Variants in TBL3 observed in about 807,000 individuals in gnomAD.
TBL3 encodes transducin beta like 3, also known as transducin beta-like protein 3.
In TBL3, 71 loss-of-function variants were observed where a neutral mutation model predicts 102.7. That is an observed-to-expected ratio of 0.69 (90% CI 0.57 to 0.84). The LOEUF is 0.84. Ranked by LOEUF, TBL3 falls within the 40% of genes least tolerant of loss-of-function variation. TBL3 has a pLI of 0.00. For missense variants in TBL3, 1,188 were observed against 1,098.5 expected (o/e 1.08, Z -1.15); for synonymous variants, 578 against 477.7 (o/e 1.21, Z -2.74).
rs761442638 is a variant in TBL3 at position 1,976,310 on chromosome 16, T to C, written c.1288T>C (p.Ser430Pro). The C allele has an allele frequency of 4.3e-6, 7 of 1,612,964 alleles. No individual in the cohort carries two copies. Among genetic ancestry groups the C allele is most frequent in the Non-Finnish European group, 5.9e-6 (7 of 1,179,600 alleles). Residue 430 changes from serine to proline, a missense_variant, in exon 13 of 22, where the codon TCT (serine) becomes CCT (proline). By Grantham distance (74) the Ser-to-Pro change is moderately conservative. Transcript: ENST00000568546. Reference protein sequence around the residue: ...HTHSVGTVCCSRLKESFLVTG... With the variant: ...HTHSVGTVCCPRLKESFLVTG... ...ACACAGTGTGGGCACCGTCTGCTGC[T>C]CTAGGTAGTGAGTCGGGGCTGGGCC...
At position 1,974,880 on chromosome 16, in the gene TBL3, C is replaced by T. The variant is rs773212257; in HGVS notation, c.464+33C>T. ...GGAAGGTGGAGGGGGAGGGCAGAGGCACCACCCAGGCTGCACAGCTCACCC... is the reference window on the plus strand; with the variant it reads ...GGAAGGTGGAGGGGGAGGGCAGAGGTACCACCCAGGCTGCACAGCTCACCC... On this transcript the variant is annotated intron_variant, in intron 6 of 21. Coordinates refer to ENST00000568546, the MANE Select transcript of TBL3 (RefSeq NM_006453.3). The T allele has an allele frequency of 1.9e-5, 31 of 1,612,690 alleles. No individual in the cohort carries two copies. In the East Asian group the frequency reaches 2.0e-4, roughly 10 times the overall value.
Position 1,982,189 on chromosome 16 carries a change from C to T in TBL3, c.*3504C>T, listed in dbSNP as rs1193328981. ...GGGAGCAGTCAGCCTCTAAGGCATC[C>T]CTCCAGGAAGCTGCCCTGGCTGCAA... On this transcript the variant is annotated 3_prime_UTR_variant, in exon 22 of 22. Transcript: ENST00000568546. 6.6e-6 allele frequency: 1 copy of T among 152,230 alleles called. No homozygotes were observed. The highest frequency in any genetic ancestry group is 2.4e-5 in the African/African-American group (1 of 41,436). The allele number at this position is 152,230 out of a possible 1,614,324, so 9.4% of individuals were successfully genotyped here. A position where few individuals can be genotyped will look rare whatever the true frequency, so the allele number is the denominator to read the frequency against.
rs764808775 is a variant in TBL3 at position 1,976,184 on chromosome 16, C to T, written c.1189-27C>T. On this transcript the variant is annotated intron_variant, in intron 12 of 21. Coordinates refer to ENST00000568546, the MANE Select transcript of TBL3 (RefSeq NM_006453.3). ...GCCACGCAGTAGGCCCATGGACCAG[C>T]CTCTCTCCTCAACTCCCTGTCCCCA... 3.1e-6 allele frequency: 5 copies of T among 1,614,006 alleles called. No homozygotes were observed. The Admixed American group carries it at 6.7e-5, about 22-fold the overall frequency.
chr16:1,979,262 T>C lies in TBL3; in HGVS notation c.*577T>C. On this transcript the variant is annotated 3_prime_UTR_variant, in exon 22 of 22. Transcript: ENST00000568546. ...GGGCCTCACCCGCCGGGTCGTCTCC[T>C]CCACGGAACCCCGTCCCGCTCAGGA... is the stretch of plus-strand genomic sequence containing the variant. 2 of 1,535,416 alleles carry C rather than the reference T, an allele frequency of 1.3e-6. No individual in the cohort carries two copies. Among genetic ancestry groups the C allele is most frequent in the African/African-American group, 1.4e-5 (1 of 71,908 alleles).
In TBL3 at chr16:1,975,349, T is replaced by A; in HGVS notation, c.716T>A (p.Val239Glu). 1 of 1,613,996 alleles carries A rather than the reference T, an allele frequency of 6.2e-7. No homozygotes were observed. The highest frequency in any genetic ancestry group is 8.5e-7 in the Non-Finnish European group (1 of 1,180,000). Reference sequence around the variant, plus strand: ...TGTGACCCAATTCGTCTCCAGAGCGTGGAGGCTGCTGTGCTGTTGCCAGAG... The same window carrying A: ...TGTGACCCAATTCGTCTCCAGAGCGAGGAGGCTGCTGTGCTGTTGCCAGAG... ...ATRTVPVFES[V>E]EAAVLLPEEP... is the part of the protein sequence containing the mutation. The change falls in exon 9 of 22, where the codon GTG becomes GAG. Residue 239 changes from valine to glutamate, a missense_variant. By Grantham distance (121) the Val-to-Glu change is moderately radical (BLOSUM62 -2). Transcript: ENST00000568546.
chr16:1,978,562 T>A lies in TBL3; in HGVS notation c.2304T>A (p.Phe768Leu), dbSNP rs1186610313. 6.2e-7 allele frequency: 1 copy of A among 1,607,198 alleles called. No individual in the cohort carries two copies. The highest frequency in any genetic ancestry group is 1.7e-4 in the Middle Eastern group (1 of 6,044). ...TCTGTCCAACCCCAGAGCGGCACTT[T>A]CAGCGGCTCAGCAGGACCCTCCAGG... ...EALLPYTERH[F>L]QRLSRTLQAA... Residue 768 changes from phenylalanine to leucine, a missense_variant, in exon 22 of 22, where the codon TTT becomes TTA. Coordinates refer to ENST00000568546, the MANE Select transcript of TBL3 (RefSeq NM_006453.3).
Position 1,972,091 on chromosome 16 carries a change from G to C in TBL3, c.-74G>C. ...AGTGTGGCGTTCTGTGAAGAGTTCG[G>C]TGCTAACCTCCCTCACGCGGCGGTG... On this transcript the variant is annotated 5_prime_UTR_variant, in exon 1 of 22. Coordinates refer to ENST00000568546, the MANE Select transcript of TBL3 (RefSeq NM_006453.3). 1 of 1,443,638 alleles carries C rather than the reference G, an allele frequency of 6.9e-7. No homozygotes were observed. 89.4% of individuals were successfully genotyped at this position (1,443,638 alleles called of 1,614,324 possible).
Position 1,975,581 on chromosome 16 carries a change from C to T in TBL3, c.858C>T (p.Ala286=), listed in dbSNP as rs1253883766. ...CTGGGCAGTGTGTGTACACGCAGGC[C>T]CAGCCGCCGGGCCCTGGGCAGGAGC... The part of the protein sequence containing the change: ...AASGQCVYTQ[A]QPPGPGQELT... The change falls in exon 10 of 22, where the codon GCC becomes GCT. Residue 286 remains alanine (A), a synonymous_variant. Coordinates refer to ENST00000568546, the MANE Select transcript of TBL3 (RefSeq NM_006453.3). The T allele has an allele frequency of 6.3e-7, 1 of 1,599,394 alleles. No homozygotes were observed. The highest frequency in any genetic ancestry group is 1.7e-5 in the Admixed American group (1 of 59,902).
Position 1,975,431 on chromosome 16 carries a change from C to T in TBL3, c.798C>T (p.Gly266=), listed in dbSNP as rs200304245. Residue 266 remains glycine (G), a synonymous_variant, in exon 9 of 22, where the codon GGC becomes GGT. Coordinates refer to ENST00000568546, the MANE Select transcript of TBL3 (RefSeq NM_006453.3). ...KSPGLYFLTA[G]DQGTLRVWEA... Reference sequence around the variant, plus strand: ...CAGGGCTGTACTTTCTGACAGCTGGCGACCAAGGTGTGTTGGGCCGGGACA... The same window carrying T: ...CAGGGCTGTACTTTCTGACAGCTGGTGACCAAGGTGTGTTGGGCCGGGACA... 3.6e-5 allele frequency: 58 copies of T among 1,613,592 alleles called. No homozygotes were observed. The highest frequency in any genetic ancestry group is 1.7e-4 in the Middle Eastern group (1 of 6,052).
chr16:1,976,458 G>GAACAGA, intron 13 of TBL3, 144 bp downstream of exon 13: 3 of 721,014 alleles, frequency 4.2e-6, no homozygotes, highest in Non-Finnish European at 7.0e-6. Context: ...AACAGAACAG[G>GAACAGA]ACAGGAGAGT....
At position 1,980,500 on chromosome 16, in the gene TBL3, C is replaced by G; in HGVS notation, c.*1815C>G. ...TAGGTTTCCAACAGCTGCAGGCGCG[C>G]CAGGCCGCGGCTCGTGCGCCCCACG... On this transcript the variant is annotated 3_prime_UTR_variant, in exon 22 of 22. Transcript: ENST00000568546. The G allele has an allele frequency of 2.5e-6, 4 of 1,603,138 alleles. No individual in the cohort carries two copies. In the South Asian group the frequency reaches 3.3e-5, roughly 13 times the overall value.
At position 1,979,910 on chromosome 16, in the gene TBL3, G is replaced by C; in HGVS notation, c.*1225G>C. 1 of 1,579,294 alleles carries C rather than the reference G, an allele frequency of 6.3e-7. No homozygotes were observed. The highest frequency in any genetic ancestry group is 8.6e-7 in the Non-Finnish European group (1 of 1,163,272). ...TTCTCCACCAGCCACCAGCCTGTGC[G>C]CAAGAAGCGGGCAGGGACTCAAATC... On this transcript the variant is annotated 3_prime_UTR_variant, in exon 22 of 22. Coordinates refer to ENST00000568546, the MANE Select transcript of TBL3 (RefSeq NM_006453.3).
Position 1,979,266 on chromosome 16 carries a change from C to T in TBL3, c.*581C>T, listed in dbSNP as rs763393227. ...CTCACCCGCCGGGTCGTCTCCTCCA[C>T]GGAACCCCGTCCCGCTCAGGAGAGC... is the stretch of plus-strand genomic sequence containing the variant. On this transcript the variant is annotated 3_prime_UTR_variant, in exon 22 of 22. Transcript: ENST00000568546. The T allele has an allele frequency of 4.5e-6, 7 of 1,540,186 alleles. No individual in the cohort carries two copies. The East Asian group carries it at 7.4e-5, about 16-fold the overall frequency.
In TBL3 at chr16:1,980,363, G is replaced by T; in HGVS notation, c.*1678G>T. ...ATGCTGGGAGTTTGGGGCGAGTCAG[G>T]CACCTGCCGGGTGGCAGCGCGGGCT... On this transcript the variant is annotated 3_prime_UTR_variant, in exon 22 of 22. Transcript: ENST00000568546. 6.3e-7 allele frequency: 1 copy of T among 1,599,054 alleles called. No homozygotes were observed.
In TBL3 at chr16:1,977,176, G is replaced by A. The variant is rs765038054; in HGVS notation, c.1563G>A (p.Arg521=). 1 of 1,613,082 alleles carries A rather than the reference G, an allele frequency of 6.2e-7. No individual in the cohort carries two copies. The highest frequency in any genetic ancestry group is 2.2e-5 in the East Asian group (1 of 44,888). ...TGCTGGGTGTCTTCTCAGGCCACCGGCGTGGCCTCTGGTGCGTCCAGTTCT... is the reference window on the plus strand; with the variant it reads ...TGCTGGGTGTCTTCTCAGGCCACCGACGTGGCCTCTGGTGCGTCCAGTTCT... ...CQLLGVFSGH[R]RGLWCVQFSP... is the part of the protein sequence containing the mutation. Residue 521 remains arginine, a synonymous_variant, in exon 15 of 22, where the codon CGG becomes CGA. Coordinates refer to ENST00000568546, the MANE Select transcript of TBL3 (RefSeq NM_006453.3).
In TBL3 at chr16:1,977,971, G is replaced by T; in HGVS notation, c.1972G>T (p.Asp658Tyr). Residue 658 changes from aspartate (D) to tyrosine (Y), a missense_variant, in exon 19 of 22, where the codon GAC becomes TAC. By Grantham distance (160) the Asp-to-Tyr change is radical. Coordinates refer to ENST00000568546, the MANE Select transcript of TBL3 (RefSeq NM_006453.3). ...EEQVVRQQEL[D>Y]NLLHEKRYLR... ...CCCTCCCCACAGGCAGCAAGAGCTGGACAACCTGCTGCATGAGAAGCGGTA... is the reference window on the plus strand; with the variant it reads ...CCCTCCCCACAGGCAGCAAGAGCTGTACAACCTGCTGCATGAGAAGCGGTA... 1 of 1,601,828 alleles carries T rather than the reference G, an allele frequency of 6.2e-7. No individual in the cohort carries two copies. The highest frequency in any genetic ancestry group is 8.5e-7 in the Non-Finnish European group (1 of 1,174,278).
In TBL3 at chr16:1,974,776, G is replaced by T. The variant is rs368317424; in HGVS notation, c.393G>T (p.Gly131=). 58 of 1,612,810 alleles carry T rather than the reference G, an allele frequency of 3.6e-5. No homozygotes were observed. Among genetic ancestry groups the T allele is most frequent in the Non-Finnish European group, 4.7e-5 (55 of 1,179,984 alleles). The change falls in exon 6 of 22, where the codon GGG becomes GGT. Residue 131 remains glycine, a synonymous_variant. Coordinates refer to ENST00000568546, the MANE Select transcript of TBL3 (RefSeq NM_006453.3). ...GCTTCCCCGCAGGTGGCTGTGATGG[G>T]GCCGTGCGCGTCTGGGACATCGTGC... The part of the protein sequence containing the change: ...STLLATGGCD[G]AVRVWDIVRH...
Position 1,977,880 on chromosome 16 carries a change from C to T in TBL3, c.1959-78C>T, listed in dbSNP as rs970355336. On this transcript the variant is annotated intron_variant, in intron 18 of 21. Coordinates refer to ENST00000568546, the MANE Select transcript of TBL3 (RefSeq NM_006453.3). ...GGAAAACGAGGCTGAGTGCCAGGCT[C>T]CCTGCCTGCTGACTCCGATGGCTCT... 8 of 1,596,000 alleles carry T rather than the reference C, an allele frequency of 5.0e-6. No individual in the cohort carries two copies. The African/African-American group carries it at 5.4e-5, about 11-fold the overall frequency.
intron 4 of TBL3, 31 bp downstream of exon 4, chr16:1,974,454 C>T (rs2083383048): frequency 2.5e-6 from 4 of 1,593,434 alleles, no homozygotes; most frequent in South Asian, 2.3e-5. Context: ...AGGGGACCCG[C>T]TCCAGCGCCT....
Sources: allele counts gnomAD v4.1 joint callset, GRCh38; gene constraint gnomAD v4.1.1; transcripts MANE v1.5; gene names NCBI Gene and HGNC (gene_info 2026-07-23, HGNC 2026-07-21).